The following SERINC5 variants were observed in gnomAD, a reference collection of about 807,000 sequenced individuals.
SERINC5 encodes the protein serine incorporator 5.
In SERINC5, 41 loss-of-function variants were observed where a neutral mutation model predicts 63.1. The observed-to-expected ratio is 0.65, with a 90% CI of 0.51 to 0.84. SERINC5 has a LOEUF of 0.84. Among genes scored for constraint, SERINC5 ranks in the 40% least tolerant of loss-of-function variants. The pLI is 0.00. For missense variants in SERINC5, 523 were observed against 573.0 expected (o/e 0.91, Z 0.89); for synonymous variants, 222 against 215.2 (o/e 1.03, Z -0.28).
chr5:80,198,982 G>A (rs928002260), intron 2 of SERINC5, among the ~76,000 whole-genome samples: 6 of 152,136 alleles, frequency 3.9e-5, no homozygotes, highest in Non-Finnish European at 7.3e-5. Context: ...GTCACCCTGT[G>A]CCCACTGCCA....
intron 1 of SERINC5, among the ~76,000 whole-genome samples, chr5:80,243,903 A>G (rs1752053115): frequency 6.6e-6 from 1 of 152,106 alleles, no homozygotes; most frequent in African/African-American, 2.4e-5. Context: ...CTTTCATAGA[A>G]AAAGTAGACG....
intron 1 of SERINC5, among the ~76,000 whole-genome samples, chr5:80,229,340 A>AATT (rs1182683022): frequency 1.9e-5 from 2 of 107,788 alleles, no homozygotes; most frequent in Admixed American, 1.8e-4. Flanking sequence ...ATACTTACAC[A>AATT]ATTTTTTTTT....
chr5:80,159,436 GT>G (rs888193995), intron 7 of SERINC5, among the ~76,000 whole-genome samples: 9 of 147,476 alleles, frequency 6.1e-5, no homozygotes, highest in South Asian at 2.1e-4. Flanking sequence ...CCTGAGGTGT[GT>G]TTTTTTTTTA....
chr5:80,255,515 C>T (rs1467894384), intron 1 of SERINC5, among the ~76,000 whole-genome samples: 3 of 152,172 alleles, frequency 2.0e-5, no homozygotes, highest in Non-Finnish European at 4.4e-5. Context: ...CACTTTTCTT[C>T]CTGGATTCAT....
At chr5:80,233,080 T>G (rs936847589) in intron 1 of SERINC5, among the ~76,000 whole-genome samples, 1 of 152,220 alleles carries the variant, frequency 6.6e-6, no homozygotes, top group African/African-American at 2.4e-5. Flanking sequence ...AATTGCACAC[T>G]TTAAATGACT....
intron 5 of SERINC5, 119 bp from the exon 6 acceptor site, chr5:80,169,665 C>G: frequency 1.4e-6 from 1 of 711,666 alleles, no homozygotes; most frequent in South Asian, 1.8e-5. Flanking sequence ...GCCACAGGCA[C>G]TGGTACCCAG....
chr5:80,255,044 G>A (rs1328499276), intron 1 of SERINC5: 4 of 152,190 alleles, frequency 2.6e-5, no homozygotes, highest in African/African-American at 9.7e-5. Flanking sequence ...TAATCCACAT[G>A]TAAAGGGAGA....
At chr5:80,131,154 T>C (rs751703815) in intron 11 of SERINC5, among the ~76,000 whole-genome samples, 1 of 152,184 alleles carries the variant, frequency 6.6e-6, no homozygotes, top group Non-Finnish European at 1.5e-5. Flanking sequence ...AATTCCCATG[T>C]GTCATGGGGG....
chr5:80,216,142 G>A (rs1354170551), intron 1 of SERINC5, among the ~76,000 whole-genome samples: 1 of 152,122 alleles, frequency 6.6e-6, no homozygotes, highest in Non-Finnish European at 1.5e-5. Context: ...GTTCCTCAGG[G>A]GCAGGTCCTT....
chr5:80,182,696 C>CATA (rs1748532632), intron 2 of SERINC5, among the ~76,000 whole-genome samples: 1 of 152,016 alleles, frequency 6.6e-6, no homozygotes, highest in Non-Finnish European at 1.5e-5. Context: ...CAGGCGCCTG[C>CATA]CACCACGCCT....
chr5:80,179,247 C>T (rs1385778208), intron 2 of SERINC5, among the ~76,000 whole-genome samples: 3 of 151,930 alleles, frequency 2.0e-5, no homozygotes, highest in Admixed American at 6.6e-5. Flanking sequence ...TGCAGCGAGC[C>T]GAGATCGTGA....
At chr5:80,184,666 G>A (rs569203116) in intron 2 of SERINC5, among the ~76,000 whole-genome samples, 5 of 152,244 alleles carry the variant, frequency 3.3e-5, no homozygotes, top group African/African-American at 1.2e-4. Context: ...AACCTCCAAG[G>A]TGAACAAGCT....
chr5:80,154,636 A>G (rs980627947), intron 8 of SERINC5, among the ~76,000 whole-genome samples: 2 of 151,942 alleles, frequency 1.3e-5, no homozygotes, highest in Non-Finnish European at 2.9e-5. Context: ...AAAAATAAAT[A>G]TTCTTCCTTG....
At chr5:80,191,026 A>G (rs915132530) in intron 2 of SERINC5, among the ~76,000 whole-genome samples, 4 of 152,056 alleles carry the variant, frequency 2.6e-5, no homozygotes, top group African/African-American at 9.7e-5. Flanking sequence ...ACTAGGCCCC[A>G]GCAGACCAGA....
chr5:80,152,840 C>A (rs1016256650), intron 8 of SERINC5, among the ~76,000 whole-genome samples: 1 of 152,124 alleles, frequency 6.6e-6, no homozygotes, highest in Non-Finnish European at 1.5e-5. Flanking sequence ...GCTCAGGGGG[C>A]TGAGGCAGGA....
chr5:80,166,064 G>C (rs1415934327), intron 7 of SERINC5, among the ~76,000 whole-genome samples: 4 of 152,070 alleles, frequency 2.6e-5, no homozygotes, highest in Non-Finnish European at 5.9e-5. Flanking sequence ...ATCTAAAATG[G>C]GGTACCCATC....
intron 5 of SERINC5, among the ~76,000 whole-genome samples, chr5:80,171,693 C>T (rs1747666089): frequency 6.6e-6 from 1 of 151,930 alleles, no homozygotes; most frequent in Non-Finnish European, 1.5e-5. Flanking sequence ...GAGCAAGACC[C>T]CATCTACAAA....
chr5:80,222,843 G>A (rs1750973855), intron 1 of SERINC5, among the ~76,000 whole-genome samples: 1 of 151,958 alleles, frequency 6.6e-6, no homozygotes, highest in Non-Finnish European at 1.5e-5. Context: ...CAAAGTGCTG[G>A]GATTACAGGT....
intron 1 of SERINC5, among the ~76,000 whole-genome samples, chr5:80,242,523 G>A (rs908000913): frequency 2.2e-4 from 33 of 152,240 alleles, no homozygotes; most frequent in African/African-American, 6.0e-4. Context: ...GAGGCGAGGC[G>A]GGTGGATCAC....
Sources: gnomAD v4.1 joint callset for allele counts (sites outside exome capture counted in the v4.1 genomes callset) on GRCh38, gnomAD v4.1.1 for gene constraint, MANE v1.5 for transcripts, NCBI Gene and HGNC (gene_info 2026-07-23, HGNC 2026-07-21) for gene names.